Variants in DOCK1 observed in about 807,000 individuals in gnomAD.
DOCK1 encodes the protein dedicator of cytokinesis 1.
Under a neutral mutation model 262.7 loss-of-function variants are expected in DOCK1, and 138 were observed. That is an observed-to-expected ratio of 0.53 (90% CI 0.46 to 0.61). DOCK1 has a LOEUF of 0.61. DOCK1 is among the 20% of genes least tolerant of loss of function. The probability of loss-of-function intolerance (pLI) is 0.00; values close to 1 mark genes in which losing one functional copy is unlikely to be tolerated. For synonymous variants in DOCK1, 866 were observed against 867.4 expected (o/e 1.00, Z 0.03); for missense variants, 1,908 against 2,370.7 (o/e 0.80, Z 4.05).
At chr10:127,409,251 G>A (rs1447014551) in intron 41 of DOCK1, 62 bp from the exon 42 acceptor site, 9 of 1,611,974 alleles carry the variant, frequency 5.6e-6, no homozygotes, top group African/African-American at 5.3e-5. Context: ...GGGTGTGGTG[G>A]GGGGCCTCTC....
At chr10:127,448,891 T>C (rs1479030367) in intron 51 of DOCK1, among the ~76,000 whole-genome samples, 2 of 151,270 alleles carry the variant, frequency 1.3e-5, no homozygotes, top group Non-Finnish European at 2.9e-5. Flanking sequence ...GTTGACGGAG[T>C]GTTCCACAAG....
At chr10:126,959,277 G>A (rs1022328053) in intron 1 of DOCK1, among the ~76,000 whole-genome samples, 1 of 152,176 alleles carries the variant, frequency 6.6e-6, no homozygotes, top group African/African-American at 2.4e-5. Flanking sequence ...TGTTAATAGA[G>A]ATTCTTTACA....
chr10:127,133,863 C>G (rs2050477659), intron 27 of DOCK1, among the ~76,000 whole-genome samples: 1 of 152,172 alleles, frequency 6.6e-6, no homozygotes, highest in African/African-American at 2.4e-5. Context: ...TGTTTACTTT[C>G]AGTAAATAAA....
chr10:127,020,169 G>A (rs531765284), intron 13 of DOCK1, among the ~76,000 whole-genome samples: 2 of 152,316 alleles, frequency 1.3e-5, no homozygotes, highest in African/African-American at 4.8e-5. Context: ...TTGCTTGTGT[G>A]TGTCCAGTCT....
At chr10:126,919,596 G>T (rs1053333728) in intron 1 of DOCK1, among the ~76,000 whole-genome samples, 1 of 152,204 alleles carries the variant, frequency 6.6e-6, no homozygotes, top group Non-Finnish European at 1.5e-5. Flanking sequence ...TGACCCCGAT[G>T]ACGGTCTGTG....
intron 32 of DOCK1, among the ~76,000 whole-genome samples, chr10:127,360,430 C>A (rs1323406176): frequency 1.3e-5 from 2 of 152,202 alleles, no homozygotes; most frequent in Non-Finnish European, 2.9e-5. Context: ...CGCCAGATTT[C>A]CTGATGGTGA....
chr10:127,032,082 T>A, intron 17 of DOCK1, 55 bp from the exon 18 acceptor site: 1 of 1,551,752 alleles, frequency 6.4e-7, no homozygotes, highest in South Asian at 1.2e-5. Context: ...GTGGCAAAAA[T>A]GGTGTGTTGC....
At chr10:127,102,781 A>G (rs2048324407) in intron 23 of DOCK1, among the ~76,000 whole-genome samples, 1 of 152,222 alleles carries the variant, frequency 6.6e-6, no homozygotes, top group Non-Finnish European at 1.5e-5. Flanking sequence ...TGGAAGTTGT[A>G]GTGAGCCAAG....
chr10:127,182,318 T>C (rs770220936), intron 27 of DOCK1, among the ~76,000 whole-genome samples: 1 of 152,118 alleles, frequency 6.6e-6, no homozygotes, highest in Non-Finnish European at 1.5e-5. Context: ...CAAAAAAACC[T>C]ATGGTCAGTT....
At chr10:127,076,432 T>C (rs959650094) in intron 23 of DOCK1, among the ~76,000 whole-genome samples, 4 of 151,748 alleles carry the variant, frequency 2.6e-5, no homozygotes, top group Non-Finnish European at 5.9e-5. Flanking sequence ...ACCCGGGAGG[T>C]AGAGGTTGCA....
At chr10:127,356,746 C>G (rs967821797) in intron 32 of DOCK1, among the ~76,000 whole-genome samples, 1 of 152,172 alleles carries the variant, frequency 6.6e-6, no homozygotes, top group African/African-American at 2.4e-5. Flanking sequence ...TGAGCTCCAC[C>G]TGCCACAGTT....
rs1269681285 is a variant in DOCK1 at position 126,942,032 on chromosome 10, CT to C, written c.47-28660del. Among the ~76,000 whole-genome samples, 799 of 149,112 alleles carry C rather than the reference CT, an allele frequency of 5.4e-3. 11 individuals are homozygous for C. Among genetic ancestry groups the C allele is most frequent in the African/African-American group, 0.019 (758 of 40,750 alleles). The stretch of plus-strand genomic sequence containing the variant: ...TGTCACTCTGATATTTGCTCTTTTT[CT>C]TTTTTTTTTGAGACGGAGTCTCGCT... On this transcript the variant is annotated intron_variant, in intron 1 of 51. Coordinates refer to ENST00000623213, the MANE Select transcript of DOCK1 (RefSeq NM_001290223.2).
chr10:127,200,250 C>T (rs926312469), intron 27 of DOCK1, among the ~76,000 whole-genome samples: 6 of 152,194 alleles, frequency 3.9e-5, no homozygotes, highest in African/African-American at 1.4e-4. Context: ...GAAAGAACAG[C>T]TACTCCATAG....
chr10:127,084,548 G>T (rs1251037560), intron 23 of DOCK1, among the ~76,000 whole-genome samples: 3 of 152,200 alleles, frequency 2.0e-5, no homozygotes, highest in Admixed American at 2.0e-4. Context: ...GCCTGCCTGG[G>T]AATAGGAGGC....
chr10:127,142,598 T>A (rs1488571867), intron 27 of DOCK1, among the ~76,000 whole-genome samples: 1 of 152,140 alleles, frequency 6.6e-6, no homozygotes, highest in African/African-American at 2.4e-5. Flanking sequence ...ACACAGGCTG[T>A]AGATTTTGCT....
At chr10:126,952,930 A>G (rs1176292589) in intron 1 of DOCK1, among the ~76,000 whole-genome samples, 6 of 71,556 alleles carry the variant, frequency 8.4e-5, no homozygotes, top group Non-Finnish European at 1.7e-4. Context: ...TATTGTTGGT[A>G]GTATTGTTGG....
At chr10:126,924,159 C>CG (rs527441683) in intron 1 of DOCK1, among the ~76,000 whole-genome samples, 167 of 111,712 alleles carry the variant, frequency 1.5e-3, no homozygotes, top group Admixed American at 2.7e-3. Context: ...TGGAACTGAG[C>CG]GGGGGGACTT....
At chr10:127,290,599 C>T (rs10764941) in intron 29 of DOCK1, among the ~76,000 whole-genome samples, 7 of 151,984 alleles carry the variant, frequency 4.6e-5, no homozygotes, top group Non-Finnish European at 8.8e-5. Context: ...CGCCCTACCC[C>T]GTTTCTGACA....
intron 29 of DOCK1, among the ~76,000 whole-genome samples, chr10:127,303,256 G>A (rs1447263342): frequency 6.6e-6 from 1 of 152,156 alleles, no homozygotes; most frequent in Non-Finnish European, 1.5e-5. Flanking sequence ...GAGGTGTCTT[G>A]CTAAATGAAC....
Sources: gnomAD v4.1 joint callset for allele counts (sites outside exome capture counted in the v4.1 genomes callset) on GRCh38, gnomAD v4.1.1 for gene constraint, MANE v1.5 for transcripts, NCBI Gene and HGNC (gene_info 2026-07-23, HGNC 2026-07-21) for gene names.